Variants in GALNT17 observed in about 807,000 individuals in gnomAD.
GALNT17 encodes the protein polypeptide N-acetylgalactosaminyltransferase 17.
In GALNT17, 29 loss-of-function variants were observed where a neutral mutation model predicts 63.7. The observed-to-expected ratio is 0.46, with a 90% CI of 0.34 to 0.62. The LOEUF (loss-of-function observed/expected upper bound fraction) is 0.62, where lower values mean the gene tolerates loss of function less well. Among genes scored for constraint, GALNT17 ranks in the 20% least tolerant of loss-of-function variants. The probability of loss-of-function intolerance (pLI) is 0.01; values close to 1 mark genes in which losing one functional copy is unlikely to be tolerated. For synonymous variants in GALNT17, 305 were observed against 318.3 expected (o/e 0.96, Z 0.45); for missense variants, 603 against 799.6 (o/e 0.75, Z 2.97).
intron 1 of GALNT17, among the ~76,000 whole-genome samples, chr7:71,303,430 T>C (rs575461252): frequency 2.0e-5 from 3 of 152,166 alleles, no homozygotes; most frequent in African/African-American, 4.8e-5. Flanking sequence ...GTAAATGATA[T>C]CTAGGTGAAA....
chr7:71,440,767 CGAA>C (rs1787051420), intron 5 of GALNT17, among the ~76,000 whole-genome samples: 8 of 152,184 alleles, frequency 5.3e-5, no homozygotes, highest in Middle Eastern at 3.4e-3. Flanking sequence ...GAAAAGAAAA[CGAA>C]GATTATCACT....
intron 1 of GALNT17, among the ~76,000 whole-genome samples, chr7:71,322,109 G>A (rs1791627767): frequency 6.6e-6 from 1 of 151,642 alleles, no homozygotes; most frequent in Non-Finnish European, 1.5e-5. Flanking sequence ...GTGCCATCAT[G>A]CCTGGCTAAT....
intron 1 of GALNT17, among the ~76,000 whole-genome samples, chr7:71,318,198 C>T (rs921097439): frequency 6.6e-6 from 1 of 152,150 alleles, no homozygotes; most frequent in Non-Finnish European, 1.5e-5. Context: ...AGCCACTGTT[C>T]CCAGCCTTTG....
At chr7:71,244,164 G>A (rs774005610) in intron 1 of GALNT17, among the ~76,000 whole-genome samples, 9 of 152,166 alleles carry the variant, frequency 5.9e-5, no homozygotes, top group Non-Finnish European at 1.0e-4. Context: ...GCTCTGCTCC[G>A]TCCAGATCCT....
At chr7:71,217,528 CA>C (rs1426296530) in intron 1 of GALNT17, among the ~76,000 whole-genome samples, 2 of 152,026 alleles carry the variant, frequency 1.3e-5, no homozygotes, top group African/African-American at 2.4e-5. Context: ...TACCTTATAT[CA>C]TTCTGGTTTT....
chr7:71,684,421 T>C (rs1343092723), intron 9 of GALNT17, among the ~76,000 whole-genome samples: 1 of 152,118 alleles, frequency 6.6e-6, no homozygotes. Flanking sequence ...CTGCATCTGC[T>C]CTCTCAGGTC....
chr7:71,512,856 G>A (rs1006902037), intron 5 of GALNT17, among the ~76,000 whole-genome samples: 1 of 152,186 alleles, frequency 6.6e-6, no homozygotes, highest in African/African-American at 2.4e-5. Context: ...GGCCCAGGTC[G>A]GCTGTCAAGG....
chr7:71,268,370 C>T (rs552912937), intron 1 of GALNT17, among the ~76,000 whole-genome samples: 11 of 140,072 alleles, frequency 7.9e-5, no homozygotes, highest in East Asian at 2.2e-4. Flanking sequence ...GGTGAAACCC[C>T]GTGTCTACAA....
chr7:71,411,453 G>A (rs1793428817), intron 3 of GALNT17, among the ~76,000 whole-genome samples: 3 of 152,066 alleles, frequency 2.0e-5, no homozygotes, highest in African/African-American at 4.8e-5. Context: ...GTCAGGTTGG[G>A]GATTTGTGTG....
chr7:71,485,508 A>C (rs1583994327), intron 5 of GALNT17, among the ~76,000 whole-genome samples: 2 of 152,218 alleles, frequency 1.3e-5, no homozygotes, highest in East Asian at 3.8e-4. Context: ...CTCAGAGTTC[A>C]TTCTTTAGAA....
intron 5 of GALNT17, among the ~76,000 whole-genome samples, chr7:71,465,009 C>G (rs563476822): frequency 1.4e-3 from 211 of 152,188 alleles, no homozygotes; most frequent in African/African-American, 4.7e-3. Context: ...CATCTTAATA[C>G]GAACTTAAGT....
In GALNT17 at chr7:71,712,763, A is replaced by T. The variant is rs1791815023; in HGVS notation, c.*617A>T. On this transcript the variant is annotated 3_prime_UTR_variant, in exon 11 of 11. Coordinates refer to ENST00000333538, the MANE Select transcript of GALNT17 (RefSeq NM_022479.3). ...TTCTGGCCCCTCCTGAGATGACCTGATGGAGCTGATGCTTTCTCTCCTAAT... is the reference window on the plus strand; with the variant it reads ...TTCTGGCCCCTCCTGAGATGACCTGTTGGAGCTGATGCTTTCTCTCCTAAT... 6.5e-6 allele frequency: 1 copy of T among 152,806 alleles called. No homozygotes were observed. The highest frequency in any genetic ancestry group is 1.5e-5 in the Non-Finnish European group (1 of 68,562). The allele number at this position is 152,806 out of a possible 1,614,324, so 9.5% of individuals were successfully genotyped here. A position where few individuals can be genotyped will look rare whatever the true frequency, so the allele number is the denominator to read the frequency against.
chr7:71,570,824 A>G (rs1447267731), intron 5 of GALNT17, among the ~76,000 whole-genome samples: 1 of 152,116 alleles, frequency 6.6e-6, no homozygotes, highest in Non-Finnish European at 1.5e-5. Context: ...TACTAAAAAT[A>G]CAAAATTAGC....
chr7:71,652,994 TTTTG>T (rs972236074), intron 6 of GALNT17, among the ~76,000 whole-genome samples: 10 of 105,030 alleles, frequency 9.5e-5, no homozygotes, highest in Admixed American at 3.7e-4. Flanking sequence ...AGGGAAGGGT[TTTTG>T]TTTGTTTGTT....
At position 71,545,463 on chromosome 7, in the gene GALNT17, T is replaced by C. The variant is rs537711232; in HGVS notation, c.963-25822T>C. ...TGCCTCTGGATTCAAGTGATTCTCA[T>C]GCTTCAGCCTCCTGAGTAGCTGGGA... On this transcript the variant is annotated intron_variant, in intron 5 of 10. Transcript: ENST00000333538. Among the ~76,000 whole-genome samples the C allele has an allele frequency of 1.3e-4, 20 of 152,324 alleles. 1 individual carries two copies. In the South Asian group the frequency reaches 2.1e-3, roughly 16 times the overall value.
chr7:71,502,394 G>A (rs1788194984), intron 5 of GALNT17, among the ~76,000 whole-genome samples: 1 of 152,198 alleles, frequency 6.6e-6, no homozygotes, highest in African/African-American at 2.4e-5. Flanking sequence ...GTGGAATGAG[G>A]TGGTTGCTGC....
intron 9 of GALNT17, among the ~76,000 whole-genome samples, chr7:71,701,872 T>C (rs868558591): frequency 8.2e-5 from 5 of 61,122 alleles, no homozygotes; most frequent in African/African-American, 2.4e-4. Flanking sequence ...TATATATACA[T>C]ATATATATGT....
chr7:71,655,683 A>T (rs1358803133), intron 6 of GALNT17, among the ~76,000 whole-genome samples: 1 of 152,114 alleles, frequency 6.6e-6, no homozygotes, highest in Non-Finnish European at 1.5e-5. Flanking sequence ...AAAATGATTG[A>T]TCTTTCTTGG....
chr7:71,502,938 G>A lies in GALNT17; in HGVS notation c.963-68347G>A, dbSNP rs192839429. 9.7e-4 allele frequency among the ~76,000 whole-genome samples: 147 copies of A among 152,258 alleles called. 6 individuals are homozygous for A. In the South Asian group the frequency reaches 0.015, roughly 16 times the overall value. On this transcript the variant is annotated intron_variant, in intron 5 of 10. Coordinates refer to ENST00000333538, the MANE Select transcript of GALNT17 (RefSeq NM_022479.3). ...TGAGATGGCTCTTAATAGGCACACC[G>A]TGTTACTAAGTCAGACATTGTTGAA...
Sources: allele counts gnomAD v4.1 joint callset (sites outside exome capture counted in the v4.1 genomes callset), GRCh38; gene constraint gnomAD v4.1.1; transcripts MANE v1.5; gene names NCBI Gene and HGNC (gene_info 2026-07-23, HGNC 2026-07-21).